ABLIM2: variants seen among roughly 807,000 people sequenced by gnomAD.
The protein encoded by ABLIM2 is actin-binding LIM protein 2.
A neutral mutation model predicts 97.7 loss-of-function variants in ABLIM2; 53 were observed. The ratio of observed to expected loss-of-function variants is 0.54; its 90% confidence interval spans 0.44 to 0.68. The LOEUF (loss-of-function observed/expected upper bound fraction) is 0.68, where lower values mean the gene tolerates loss of function less well. Ranked by LOEUF, ABLIM2 falls within the 30% of genes least tolerant of loss-of-function variation. The pLI is 0.00. For synonymous variants in ABLIM2, 361 were observed against 345.8 expected, an observed-to-expected ratio of 1.04 and a Z score of -0.49; for missense variants, 835 against 867.2, an observed-to-expected ratio of 0.96 and a Z score of 0.47.
At position 8,113,844 on chromosome 4, in the gene ABLIM2, AGT is replaced by A. The variant is rs1841507593; in HGVS notation, c.11-7209_11-7208del. On this transcript the variant is annotated intron_variant, in intron 1 of 20. Transcript: ENST00000447017. This position sits in a 1 kb window ranked among gnomAD's most constrained non-coding sequence, Gnocchi z 4.5. ...ACCCAGAGCGGGTCACAGGACACAC[AGT>A]TCCAGCTTCCCTTTCACACCTTTCC... Among the ~76,000 whole-genome samples, 1 of 152,210 alleles carries A rather than the reference AGT, an allele frequency of 6.6e-6. No homozygotes were observed. Among genetic ancestry groups the A allele is most frequent in the Non-Finnish European group, 1.5e-5 (1 of 68,030 alleles).
At chr4:8,090,849 T>G (rs902102529) in intron 3 of ABLIM2, among the ~76,000 whole-genome samples, 1 of 152,092 alleles carries the variant, frequency 6.6e-6, no homozygotes, top group African/African-American at 2.4e-5. Flanking sequence ...GTCCATCCCA[T>G]GGATAAATCA....
In ABLIM2 at chr4:8,054,120, C is replaced by T. The variant is rs1348877886; in HGVS notation, c.822+68G>A. 3.8e-6 allele frequency: 6 copies of T among 1,566,450 alleles called. No individual in the cohort carries two copies. The highest frequency in any genetic ancestry group is 1.1e-5 in the South Asian group (1 of 89,830). On this transcript the variant is annotated intron_variant, in intron 8 of 20. Coordinates refer to ENST00000447017, the MANE Select transcript of ABLIM2 (RefSeq NM_001130083.2). The surrounding 1 kb of genome is among the most constrained non-coding windows in gnomAD (Gnocchi z 4.9). ...GCCTGTAGAATCTGGTCAGTGTCCT[C>T]TTAACTGTACAAAGATGGTGCAGGA...
At chr4:8,034,061 G>A (rs897868723) in intron 10 of ABLIM2, among the ~76,000 whole-genome samples, 2 of 152,184 alleles carry the variant, frequency 1.3e-5, no homozygotes, top group African/African-American at 2.4e-5. Flanking sequence ...CAGAGAGAGC[G>A]CCAGGATGTG....
rs937763277 is a variant in ABLIM2 at position 7,970,201 on chromosome 4, T to G, written c.1825-3098A>C. Among the ~76,000 whole-genome samples, 2 of 151,776 alleles carry G rather than the reference T, an allele frequency of 1.3e-5. No individual in the cohort carries two copies. Among genetic ancestry groups the G allele is most frequent in the African/African-American group, 4.8e-5 (2 of 41,302 alleles). On this transcript the variant is annotated intron_variant, in intron 20 of 20. Coordinates refer to ENST00000447017, the MANE Select transcript of ABLIM2 (RefSeq NM_001130083.2). The surrounding 1 kb of genome is among the most constrained non-coding windows in gnomAD (Gnocchi z 5.3). ...TAGGCTGGGGTGGTGAACTGACACG[T>G]AAGTAAATATGTAAAGGAGGGGAGG...
In ABLIM2 at chr4:7,999,581, G is replaced by A. The variant is rs1005373510; in HGVS notation, c.1619-6654C>T. On this transcript the variant is annotated intron_variant, in intron 16 of 20. Transcript: ENST00000447017. The surrounding 1 kb of genome is among the most constrained non-coding windows in gnomAD (Gnocchi z 4.4). The stretch of plus-strand genomic sequence containing the variant: ...ACCCTATCTGCTCCCAAGCCAGTGT[G>A]CCCTGGTGTGGGTTTGCAGGCATGT... Among the ~76,000 whole-genome samples the A allele has an allele frequency of 2.0e-5, 3 of 152,206 alleles. No individual in the cohort carries two copies. The South Asian group carries it at 6.2e-4, about 32-fold the overall frequency.
chr4:8,148,947 G>A lies in ABLIM2; in HGVS notation c.10+9733C>T, dbSNP rs1372755836. Among the ~76,000 whole-genome samples the A allele has an allele frequency of 6.6e-6, 1 of 152,212 alleles. No homozygotes were observed. Among genetic ancestry groups the A allele is most frequent in the African/African-American group, 2.4e-5 (1 of 41,452 alleles). ...AGGACCCGGGATCTGGAGGCACCAGGGAGAGTCCAGCTGTGCCAAGGCCCA... is the reference window on the plus strand; with the variant it reads ...AGGACCCGGGATCTGGAGGCACCAGAGAGAGTCCAGCTGTGCCAAGGCCCA... On this transcript the variant is annotated intron_variant, in intron 1 of 20. Coordinates refer to ENST00000447017, the MANE Select transcript of ABLIM2 (RefSeq NM_001130083.2). The surrounding 1 kb of genome is among the most constrained non-coding windows in gnomAD (Gnocchi z 6.7).
At chr4:8,093,773 T>G (rs1371751301) in intron 3 of ABLIM2, among the ~76,000 whole-genome samples, 1 of 152,220 alleles carries the variant, frequency 6.6e-6, no homozygotes, top group Admixed American at 6.5e-5. Context: ...TCTGGCTGCT[T>G]TTAAGATTTC....
chr4:7,969,366 A>T (rs1453783496), intron 20 of ABLIM2, among the ~76,000 whole-genome samples: 1 of 151,876 alleles, frequency 6.6e-6, no homozygotes, highest in Non-Finnish European at 1.5e-5. Flanking sequence ...AGGTGGGAGG[A>T]TCTCTTGAAG....
chr4:8,083,972 C>T lies in ABLIM2; in HGVS notation c.455-3170G>A. Among the ~76,000 whole-genome samples, 1 of 152,084 alleles carries T rather than the reference C, an allele frequency of 6.6e-6. No individual in the cohort carries two copies. Among genetic ancestry groups the T allele is most frequent in the East Asian group, 1.9e-4 (1 of 5,186 alleles). On this transcript the variant is annotated intron_variant, in intron 4 of 20. Coordinates refer to ENST00000447017, the MANE Select transcript of ABLIM2 (RefSeq NM_001130083.2). This position sits in a 1 kb window ranked among gnomAD's most constrained non-coding sequence, Gnocchi z 4.6. ...CAGCCTCCTGGAGCCTCAGCTGGAG[C>T]TCAGGGGGTGCAGGTGCAGGAGCCA...
In ABLIM2 at chr4:8,080,930, AGCGAGTGTGCTT is replaced by A. The variant is rs1819433031; in HGVS notation, c.455-140_455-129del. On this transcript the variant is annotated intron_variant, in intron 4 of 20. Transcript: ENST00000447017. ...AGGGGCGGGACAGACCAGCAGCCAC[AGCGAGTGTGCTT>A]GGAGGAGTCTCTTACACAGCAGTCT... 5.9e-6 allele frequency: 7 copies of A among 1,187,266 alleles called. No individual in the cohort carries two copies. The East Asian group carries it at 1.7e-4, about 29-fold the overall frequency. The allele number at this position is 1,187,266 out of a possible 1,614,324, so 73.5% of individuals were successfully genotyped here.
rs889063142 is a variant in ABLIM2 at position 8,021,795 on chromosome 4, C to T, written c.1268-1492G>A. On this transcript the variant is annotated intron_variant, in intron 12 of 20. Coordinates refer to ENST00000447017, the MANE Select transcript of ABLIM2 (RefSeq NM_001130083.2). This position sits in a 1 kb window ranked among gnomAD's most constrained non-coding sequence, Gnocchi z 5.5. The stretch of plus-strand genomic sequence containing the variant: ...CAGGCTCTAACTTTGAGCATTTTCT[C>T]GTGCTTGGGCATGGGTGCTGATTTT... 1.8e-4 allele frequency among the ~76,000 whole-genome samples: 27 copies of T among 152,238 alleles called. No individual in the cohort carries two copies. Among genetic ancestry groups the T allele is most frequent in the African/African-American group, 6.3e-4 (26 of 41,470 alleles).
intron 1 of ABLIM2, among the ~76,000 whole-genome samples, chr4:8,136,280 G>A (rs1292938865): frequency 6.6e-6 from 1 of 152,178 alleles, no homozygotes; most frequent in Non-Finnish European, 1.5e-5. Context: ...TGGGTGGCAG[G>A]GGCCGGGGAG....
chr4:8,093,150 C>A (rs1829757823), intron 3 of ABLIM2, among the ~76,000 whole-genome samples: 1 of 152,178 alleles, frequency 6.6e-6, no homozygotes, highest in African/African-American at 2.4e-5. Context: ...CACCCAGTCT[C>A]TTTTGCCCAT....
chr4:8,120,660 C>T lies in ABLIM2; in HGVS notation c.11-14023G>A, dbSNP rs1356667337. On this transcript the variant is annotated intron_variant, in intron 1 of 20. Coordinates refer to ENST00000447017, the MANE Select transcript of ABLIM2 (RefSeq NM_001130083.2). The surrounding 1 kb of genome is among the most constrained non-coding windows in gnomAD (Gnocchi z 5.6). ...TCCAGCCCCCATCTGTGTGCTCTGT[C>T]GTGGGAGCATGGGAAACCAGCAGGA... Among the ~76,000 whole-genome samples the T allele has an allele frequency of 1.3e-5, 2 of 152,164 alleles. No individual in the cohort carries two copies. The highest frequency in any genetic ancestry group is 3.9e-4 in the East Asian group (2 of 5,186).
At position 8,127,388 on chromosome 4, in the gene ABLIM2, A is replaced by G. The variant is rs972218203; in HGVS notation, c.11-20751T>C. ...GGCGCTCGTGGTGCCGGCGCTCATGACCTTCACGCAGGGCACAACTTGACT... is the reference window on the plus strand; with the variant it reads ...GGCGCTCGTGGTGCCGGCGCTCATGGCCTTCACGCAGGGCACAACTTGACT... On this transcript the variant is annotated intron_variant, in intron 1 of 20. Coordinates refer to ENST00000447017, the MANE Select transcript of ABLIM2 (RefSeq NM_001130083.2). This position sits in a 1 kb window ranked among gnomAD's most constrained non-coding sequence, Gnocchi z 7.3. 1.6e-4 allele frequency among the ~76,000 whole-genome samples: 24 copies of G among 152,166 alleles called. No homozygotes were observed. Among genetic ancestry groups the G allele is most frequent in the Middle Eastern group, 3.4e-3 (1 of 294 alleles).
intron 1 of ABLIM2, among the ~76,000 whole-genome samples, chr4:8,141,112 T>A (rs1850914569): frequency 6.6e-6 from 1 of 152,136 alleles, no homozygotes; most frequent in Non-Finnish European, 1.5e-5. Flanking sequence ...GGGAAGGGAC[T>A]GGGACTGGGA....
Position 8,054,238 on chromosome 4 carries a change from T to C in ABLIM2, c.772A>G (p.Ile258Val). Residue 258 changes from isoleucine (I) to valine (V), a missense_variant, in exon 8 of 21, where the codon ATC becomes GTC. Physicochemically the swap from Ile to Val is conservative, Grantham distance 29. Transcript: ENST00000447017. The surrounding 1 kb of genome is among the most constrained non-coding windows in gnomAD (Gnocchi z 4.9). ...GEEMYLQGSS[I>V]WHPACRQAAR... is the part of the protein sequence containing the mutation. ...GCTTGTCGACACGCCGGATGCCAGA[T>C]GGAGGAACCTGTTGACAAATTCCCA... 1 of 1,614,058 alleles carries C rather than the reference T, an allele frequency of 6.2e-7. No homozygotes were observed. Among genetic ancestry groups the C allele is most frequent in the Non-Finnish European group, 8.5e-7 (1 of 1,179,898 alleles).
Position 7,977,790 on chromosome 4 carries a change from C to CAATAAATAAATAAATAAATA in ABLIM2, c.1824+5454_1824+5473dup, listed in dbSNP as rs10660218. On this transcript the variant is annotated intron_variant, in intron 20 of 20. Coordinates refer to ENST00000447017, the MANE Select transcript of ABLIM2 (RefSeq NM_001130083.2). ...TGGGAGACTGAGGGAGACTCTGTCT[C>CAATAAATAAATAAATAAATA]AATAAATAAATAAATAAATAAATAA... 3.4e-3 allele frequency among the ~76,000 whole-genome samples: 477 copies of CAATAAATAAATAAATAAATA among 142,282 alleles called. 3 individuals are homozygous for CAATAAATAAATAAATAAATA. Among genetic ancestry groups the CAATAAATAAATAAATAAATA allele is most frequent in the Non-Finnish European group, 5.4e-3 (353 of 65,440 alleles). The allele number at this position is 142,282 out of a possible 152,430, so 93.3% of individuals were successfully genotyped here.
In ABLIM2 at chr4:8,087,404, C is replaced by T. The variant is rs956008135; in HGVS notation, c.454+765G>A. On this transcript the variant is annotated intron_variant, in intron 4 of 20. Transcript: ENST00000447017. The surrounding 1 kb of genome is among the most constrained non-coding windows in gnomAD (Gnocchi z 4.6). The stretch of plus-strand genomic sequence containing the variant: ...TTTGTTTTTTTTCCACACTAACAAC[C>T]TCCTGCTTCCTAATTCAGGAAGCAT... Among the ~76,000 whole-genome samples, 1 of 152,204 alleles carries T rather than the reference C, an allele frequency of 6.6e-6. No individual in the cohort carries two copies. The highest frequency in any genetic ancestry group is 1.5e-5 in the Non-Finnish European group (1 of 68,038).
Sources: allele counts gnomAD v4.1 joint callset (sites outside exome capture counted in the v4.1 genomes callset), GRCh38; gene constraint gnomAD v4.1.1; non-coding constraint Gnocchi (gnomAD v3.1); transcripts MANE v1.5; gene names NCBI Gene and HGNC (gene_info 2026-07-23, HGNC 2026-07-21).